The following CAMK1D variants were observed in gnomAD, a reference collection of about 807,000 sequenced individuals.
CAMK1D encodes the protein calcium/calmodulin-dependent protein kinase type 1D.
A neutral mutation model predicts 47.7 loss-of-function variants in CAMK1D; 9 were observed. The ratio of observed to expected loss-of-function variants is 0.19; its 90% CI spans 0.11 to 0.33. The LOEUF (loss-of-function observed/expected upper bound fraction) is 0.33, where lower values mean the gene tolerates loss of function less well. Among genes scored for constraint, CAMK1D ranks in the 10% least tolerant of loss-of-function variants. CAMK1D has a pLI of 1.00. For synonymous variants in CAMK1D, 184 were observed against 184.9 expected (o/e 0.99, Z 0.04); for missense variants, 291 against 488.7 (o/e 0.60, Z 3.81).
chr10:12,752,788 G>A (rs920056735), intron 3 of CAMK1D, among the ~76,000 whole-genome samples: 6 of 152,104 alleles, frequency 3.9e-5, no homozygotes, highest in African/African-American at 4.8e-5. Flanking sequence ...AGACCAGGAC[G>A]TGCTTACAGC....
chr10:12,755,044 G>A (rs1309395987), intron 3 of CAMK1D, among the ~76,000 whole-genome samples: 2 of 152,130 alleles, frequency 1.3e-5, no homozygotes, highest in Non-Finnish European at 2.9e-5. Flanking sequence ...TATATTAGAT[G>A]GAAAGGCGTG....
chr10:12,361,545 CTTTTTTTTTT>C (rs36015215), intron 1 of CAMK1D, among the ~76,000 whole-genome samples: 3 of 63,090 alleles, frequency 4.8e-5, no homozygotes, highest in African/African-American at 1.3e-4. Context: ...GTGCCTGGCC[CTTTTTTTTTT>C]TTTTTTTTTT....
chr10:12,407,026 A>G (rs895064175), intron 1 of CAMK1D, among the ~76,000 whole-genome samples: 4 of 151,954 alleles, frequency 2.6e-5, no homozygotes, highest in African/African-American at 7.3e-5. Context: ...GCTCCTTCAG[A>G]CCCCACCCCC....
chr10:12,661,699 A>G (rs896603933), intron 2 of CAMK1D, among the ~76,000 whole-genome samples: 1 of 152,244 alleles, frequency 6.6e-6, no homozygotes, highest in Non-Finnish European at 1.5e-5. Flanking sequence ...GTCACAGCTG[A>G]AATGTTTGAG....
intron 3 of CAMK1D, among the ~76,000 whole-genome samples, chr10:12,688,558 A>G (rs1289430483): frequency 6.6e-6 from 1 of 152,150 alleles, no homozygotes; most frequent in Non-Finnish European, 1.5e-5. Context: ...GAACCCTAAG[A>G]TCCACAAAGG....
chr10:12,526,897 C>CAAAAAAAAAA (rs202209844), intron 1 of CAMK1D, among the ~76,000 whole-genome samples: 12 of 129,818 alleles, frequency 9.2e-5, no homozygotes, highest in African/African-American at 3.6e-4. Context: ...AACCCTATCT[C>CAAAAAAAAAA]AAAAAAAAAA....
chr10:12,811,274 CA>C (rs746822544), intron 6 of CAMK1D, among the ~76,000 whole-genome samples: 21 of 152,204 alleles, frequency 1.4e-4, no homozygotes, highest in Non-Finnish European at 2.8e-4. Context: ...CTGGGATTAC[CA>C]GTGTGAATGG....
At chr10:12,518,864 T>G (rs2132181986) in intron 1 of CAMK1D, among the ~76,000 whole-genome samples, 1 of 126,154 alleles carries the variant, frequency 7.9e-6, no homozygotes, top group Non-Finnish European at 1.7e-5. Context: ...CAGAACAAAA[T>G]GAAAAGTCTC....
At chr10:12,493,743 C>T (rs1186982907) in intron 1 of CAMK1D, among the ~76,000 whole-genome samples, 2 of 152,194 alleles carry the variant, frequency 1.3e-5, no homozygotes, top group Non-Finnish European at 1.5e-5. Flanking sequence ...ATCTGCCTGC[C>T]TCAACCTCCC....
intron 1 of CAMK1D, among the ~76,000 whole-genome samples, chr10:12,460,163 G>A (rs116785297): frequency 3.2e-4 from 48 of 152,202 alleles, no homozygotes; most frequent in African/African-American, 1.1e-3. Context: ...GGTATATTAA[G>A]GAAAAGCTCC....
At chr10:12,581,135 G>A (rs1448202696) in intron 2 of CAMK1D, among the ~76,000 whole-genome samples, 4 of 152,110 alleles carry the variant, frequency 2.6e-5, no homozygotes, top group Non-Finnish European at 5.9e-5. Flanking sequence ...GAGAACATAC[G>A]ATGTTTGGTT....
intron 1 of CAMK1D, among the ~76,000 whole-genome samples, chr10:12,492,937 T>G (rs565817097): frequency 1.3e-5 from 2 of 152,330 alleles, no homozygotes; most frequent in South Asian, 4.1e-4. Context: ...ACTCCCTCTG[T>G]CTCTGGCTGA....
chr10:12,658,597 T>C (rs975260493), intron 2 of CAMK1D, among the ~76,000 whole-genome samples: 3 of 152,008 alleles, frequency 2.0e-5, no homozygotes, highest in African/African-American at 4.8e-5. Flanking sequence ...CCTGTGCCTA[T>C]AAAAACCCTG....
At chr10:12,766,126 C>T (rs925047048) in intron 4 of CAMK1D, among the ~76,000 whole-genome samples, 7 of 151,834 alleles carry the variant, frequency 4.6e-5, no homozygotes, top group South Asian at 2.1e-4. Context: ...CCACCACGCC[C>T]GGCTAGTTTT....
chr10:12,448,414 T>G (rs574952183), intron 1 of CAMK1D, among the ~76,000 whole-genome samples: 1 of 152,202 alleles, frequency 6.6e-6, no homozygotes, highest in South Asian at 2.1e-4. Context: ...CAGGCTGATC[T>G]TGAACTCCTG....
intron 1 of CAMK1D, among the ~76,000 whole-genome samples, chr10:12,383,582 C>T (rs901017528): frequency 1.3e-5 from 2 of 152,138 alleles, no homozygotes; most frequent in Non-Finnish European, 2.9e-5. Flanking sequence ...TTTTCTCTTT[C>T]TTACCTAGTA....
chr10:12,653,885 G>C lies in CAMK1D; in HGVS notation c.225-12851G>C, dbSNP rs557701932. Among the ~76,000 whole-genome samples the C allele has an allele frequency of 3.1e-4, 47 of 152,232 alleles. No homozygotes were observed. The South Asian group carries it at 3.5e-3, about 11-fold the overall frequency. ...CGTTTGAATGAAAGAGCAGCACTGG[G>C]TCCTCCAATTTCAGTAGGTGCTATT... On this transcript the variant is annotated intron_variant, in intron 2 of 10. Coordinates refer to ENST00000619168, the MANE Select transcript of CAMK1D (RefSeq NM_153498.4).
At chr10:12,532,890 C>G (rs1835854360) in intron 1 of CAMK1D, among the ~76,000 whole-genome samples, 1 of 139,764 alleles carries the variant, frequency 7.2e-6, no homozygotes, top group Non-Finnish European at 1.5e-5. Flanking sequence ...ATCTAAAAAG[C>G]AAAACAGTCG....
intron 1 of CAMK1D, among the ~76,000 whole-genome samples, chr10:12,502,529 A>G (rs1177339462): frequency 1.3e-5 from 2 of 152,134 alleles, no homozygotes; most frequent in Non-Finnish European, 2.9e-5. Flanking sequence ...GCAGCCCCGC[A>G]AGGCAGACAC....
Sources: allele counts gnomAD v4.1 joint callset (sites outside exome capture counted in the v4.1 genomes callset), GRCh38; gene constraint gnomAD v4.1.1; transcripts MANE v1.5; gene names NCBI Gene and HGNC (gene_info 2026-07-23, HGNC 2026-07-21).